The following CRISP2 variants were observed in gnomAD, a reference collection of about 807,000 sequenced individuals.
CRISP2 encodes the protein cysteine-rich secretory protein 2.
In CRISP2, 29 loss-of-function variants were observed where a neutral mutation model predicts 31.7. The observed-to-expected ratio is 0.92, with a 90% CI of 0.68 to 1.25. CRISP2 has a LOEUF of 1.25. Ranked by LOEUF, CRISP2 falls within the 50% of genes most tolerant of loss-of-function variation. The pLI, the probability that CRISP2 is intolerant of heterozygous loss-of-function variation, is 0.00. For synonymous variants in CRISP2, 111 were observed against 101.4 expected (o/e 1.09, Z -0.57); for missense variants, 318 against 286.5 (o/e 1.11, Z -0.79).
In CRISP2 at chr6:49,697,851, T is replaced by C. The variant is rs764586743; in HGVS notation, c.515+9A>G. 6.2e-7 allele frequency: 1 copy of C among 1,610,342 alleles called. No individual in the cohort carries two copies. Among genetic ancestry groups the C allele is most frequent in the Admixed American group, 1.7e-5 (1 of 59,860 alleles). ...ATTATTGCCATTAAACTCTAAACAG[T>C]CTACTTACGCAGGACAATATTGGCA... is the stretch of plus-strand genomic sequence containing the variant. On this transcript the variant is annotated intron_variant, in intron 8 of 9. Transcript: ENST00000339139.
chr6:49,699,482 G>C (rs1256312041), intron 6 of CRISP2, among the ~76,000 whole-genome samples: 2 of 151,984 alleles, frequency 1.3e-5, no homozygotes, highest in Admixed American at 1.3e-4. Context: ...CACTGTTTCA[G>C]ATTATGTTCT....
At chr6:49,712,794 C>A (rs360547) in intron 1 of CRISP2, among the ~76,000 whole-genome samples, 190 bp from the exon 2 acceptor site, 2 of 151,956 alleles carry the variant, frequency 1.3e-5, no homozygotes, top group African/African-American at 4.8e-5. Flanking sequence ...TATTTCAACG[C>A]CCTGATATTT....
intron 8 of CRISP2, among the ~76,000 whole-genome samples, chr6:49,696,874 T>C (rs1290975593): frequency 6.6e-6 from 1 of 152,058 alleles, no homozygotes; most frequent in Non-Finnish European, 1.5e-5. Context: ...AAAGTTCTAG[T>C]TCCCTTGGCT....
rs750121034 is a variant in CRISP2, at chr6:49,700,780, G to T, written c.71C>A (p.Pro24His). 1.3e-6 allele frequency: 2 copies of T among 1,587,376 alleles called. No homozygotes were observed. The part of the protein sequence containing the change: ...LPSLPAEGKD[P>H]AFTALLTTQL... The stretch of plus-strand genomic sequence containing the variant: ...GGTGGTTAACAAAGCAGTAAAAGCG[G>T]GATCCTAAAAGAAAATAAAATTGGA... Residue 24 changes from proline to histidine, a missense_variant, in exon 5 of 10, where the codon CCC becomes CAC. Coordinates refer to ENST00000339139, the MANE Select transcript of CRISP2 (RefSeq NM_003296.4).
chr6:49,701,985 A>AT (rs1766039626), intron 4 of CRISP2, among the ~76,000 whole-genome samples: 1 of 35,708 alleles, frequency 2.8e-5, no homozygotes, highest in African/African-American at 1.3e-4. Flanking sequence ...TAATATATAT[A>AT]ATATAATATA....
the CRISP2 span, among the ~76,000 whole-genome samples, chr6:49,683,407 G>A: frequency 6.6e-6 from 1 of 150,992 alleles, no homozygotes; most frequent in Non-Finnish European, 1.5e-5. Flanking sequence ...GGGCGCAGTG[G>A]CTCATGCCTG....
At chr6:49,701,525 T>TAC (rs1214427161) in intron 4 of CRISP2, among the ~76,000 whole-genome samples, 43 of 81,090 alleles carry the variant, frequency 5.3e-4, no homozygotes, top group East Asian at 1.8e-3. Flanking sequence ...TATATATATA[T>TAC]ACACACACAC....
chr6:49,687,323 T>C, the CRISP2 span, among the ~76,000 whole-genome samples: 2 of 152,174 alleles, frequency 1.3e-5, no homozygotes, highest in African/African-American at 4.8e-5. Context: ...GCATATTCAA[T>C]AAATAAATAT....
At chr6:49,701,028 A>C (rs1765580331) in intron 4 of CRISP2, among the ~76,000 whole-genome samples, 2 of 152,158 alleles carry the variant, frequency 1.3e-5, no homozygotes, top group African/African-American at 4.8e-5. Context: ...ACATTTAAAT[A>C]GGAAAGTAGT....
intron 5 of CRISP2, among the ~76,000 whole-genome samples, chr6:49,700,322 GGCT>G (rs1765451890): frequency 1.3e-5 from 2 of 152,064 alleles, no homozygotes; most frequent in African/African-American, 4.8e-5. Flanking sequence ...CTGGGAAGTG[GGCT>G]TTTACTCACA....
the CRISP2 span, among the ~76,000 whole-genome samples, chr6:49,682,711 C>A: frequency 7.3e-6 from 1 of 137,352 alleles, no homozygotes; most frequent in East Asian, 2.1e-4. Context: ...TCTTTTTTCT[C>A]TTTCTTTTTC....
chr6:49,683,676 AAAAAAAAAAAAAAAAAAAAT>A, the CRISP2 span, among the ~76,000 whole-genome samples: 2 of 29,116 alleles, frequency 6.9e-5, no homozygotes, highest in African/African-American at 2.2e-4. Flanking sequence ...AAAAAAAAAA[AAAAAAAAAAAAAAAAAAAAT>A]ATATATATAT....
At chr6:49,703,161 T>C (rs572489136) in intron 4 of CRISP2, among the ~76,000 whole-genome samples, 2 of 149,900 alleles carry the variant, frequency 1.3e-5, no homozygotes, top group African/African-American at 4.9e-5. Context: ...TTCTCTATTC[T>C]GTTCCATTGG....
intron 3 of CRISP2, among the ~76,000 whole-genome samples, chr6:49,710,050 T>G (rs1049760615): frequency 6.6e-6 from 1 of 152,192 alleles, no homozygotes; most frequent in Non-Finnish European, 1.5e-5. Context: ...ATTTGTAAAT[T>G]AAAGTTATGC....
intron 4 of CRISP2, among the ~76,000 whole-genome samples, chr6:49,701,171 G>A (rs1406044480): frequency 2.6e-5 from 4 of 152,008 alleles, no homozygotes; most frequent in Non-Finnish European, 5.9e-5. Flanking sequence ...GTGGTAAATT[G>A]TTGCATGAAT....
rs546079618 is a variant in CRISP2 at position 49,701,521 on chromosome 6, T to C, written c.67-737A>G. On this transcript the variant is annotated intron_variant, in intron 4 of 9. Transcript: ENST00000339139. Reference sequence around the variant, plus strand: ...GTGTGTATATATATATATATATATATATATACACACACACACACACACAGT... The same window carrying C: ...GTGTGTATATATATATATATATATACATATACACACACACACACACACAGT... Among the ~76,000 whole-genome samples, 107 of 124,004 alleles carry C rather than the reference T, an allele frequency of 8.6e-4. 5 individuals are homozygous for C. Among genetic ancestry groups the C allele is most frequent in the Non-Finnish European group, 1.2e-3 (76 of 61,530 alleles). 81.4% of individuals were successfully genotyped at this position (124,004 alleles called of 152,430 possible).
intron 7 of CRISP2, 49 bp from the exon 8 acceptor site, chr6:49,698,006 G>T: frequency 7.3e-7 from 1 of 1,379,024 alleles, no homozygotes. Context: ...TAGAGAAGAT[G>T]AAAAATATTT....
chr6:49,706,241 T>C (rs1457056179), intron 4 of CRISP2, among the ~76,000 whole-genome samples: 1 of 152,228 alleles, frequency 6.6e-6, no homozygotes, highest in Non-Finnish European at 1.5e-5. Context: ...GCAGTTTTCC[T>C]TGACATGGTA....
downstream of CRISP2, among the ~76,000 whole-genome samples, chr6:49,690,744 T>C (rs1441071813): frequency 6.6e-6 from 1 of 152,062 alleles, no homozygotes; most frequent in Non-Finnish European, 1.5e-5. Context: ...ATCAAAATCG[T>C]CATTAACATT....
Sources: gnomAD v4.1 joint callset for allele counts (sites outside exome capture counted in the v4.1 genomes callset) on GRCh38, gnomAD v4.1.1 for gene constraint, MANE v1.5 for transcripts, NCBI Gene and HGNC (gene_info 2026-07-23, HGNC 2026-07-21) for gene names.